The following UBE2D2 variants were observed in gnomAD, a reference collection of about 807,000 sequenced individuals.
UBE2D2 encodes ubiquitin conjugating enzyme E2 D2.
UBE2D2 carries 2 observed loss-of-function variants against 24.2 expected under a neutral mutation model. That is an observed-to-expected ratio of 0.08 (90% CI 0.03 to 0.26). UBE2D2 has a LOEUF of 0.26. UBE2D2 is among the 10% of genes least tolerant of loss of function. UBE2D2 has a pLI of 1.00. For missense variants in UBE2D2, 44 were observed against 177.6 expected (o/e 0.25, Z 4.28); for synonymous variants, 58 against 56.5 (o/e 1.03, Z -0.12).
chr5:139,531,557 C>T (rs1008370188), intron 1 of UBE2D2, among the ~76,000 whole-genome samples: 3 of 150,488 alleles, frequency 2.0e-5, no homozygotes, highest in African/African-American at 4.9e-5. Context: ...GTGGCTTGTC[C>T]TGCTACAAGC....
chr5:139,614,478 CA>C (rs1754384272), intron 2 of UBE2D2, 107 bp from the exon 3 acceptor site: 1 of 1,282,650 alleles, frequency 7.8e-7, no homozygotes, highest in Admixed American at 1.9e-5. Context: ...TACTCATTAT[CA>C]TATTATTTAT....
intron 1 of UBE2D2, among the ~76,000 whole-genome samples, chr5:139,540,947 C>T (rs1331639715): frequency 2.0e-5 from 3 of 149,808 alleles, no homozygotes; most frequent in East Asian, 4.0e-4. Context: ...GAGCCGAGAT[C>T]GTGCCACTGC....
rs1752863909 is a variant in UBE2D2, at chr5:139,548,193, A to AAAATAAAAAT, written c.-64+21588_-64+21589insAATAAATAAA. 1.7e-4 allele frequency among the ~76,000 whole-genome samples: 8 copies of AAAATAAAAAT among 47,114 alleles called. 2 individuals are homozygous for AAAATAAAAAT. In the East Asian group the frequency reaches 4.6e-3, roughly 27 times the overall value. 30.9% of individuals were successfully genotyped at this position (47,114 alleles called of 152,430 possible). On this transcript the variant is annotated intron_variant, in intron 1 of 6. Coordinates refer to the UBE2D2 transcript ENST00000511725. ...AAAAAAAAAAAAAAAATAAAAAAAA[A>AAAATAAAAAT]AAATAAATAAATAAATAAATAAACG...
intron 2 of UBE2D2, among the ~76,000 whole-genome samples, chr5:139,602,469 G>C (rs1356602474): frequency 1.3e-5 from 2 of 152,176 alleles, no homozygotes; most frequent in Non-Finnish European, 2.9e-5. Flanking sequence ...TTGAGCCCAG[G>C]AGTGCGAGAC....
intron 1 of UBE2D2, among the ~76,000 whole-genome samples, chr5:139,590,779 C>CTTT (rs1561513230): frequency 8.9e-5 from 5 of 55,994 alleles, no homozygotes; most frequent in Admixed American, 1.9e-4. Flanking sequence ...ATTTTCTCTT[C>CTTT]TTCTTTTTTT....
chr5:139,622,704 A>G (rs933586103), intron 5 of UBE2D2, among the ~76,000 whole-genome samples: 49 of 149,494 alleles, frequency 3.3e-4, no homozygotes, highest in Admixed American at 2.0e-3. Context: ...CCTGGCTAAC[A>G]CGGTGAAACC....
intron 2 of UBE2D2, among the ~76,000 whole-genome samples, chr5:139,609,278 C>G (rs973738324): frequency 6.6e-6 from 1 of 151,606 alleles, no homozygotes; most frequent in African/African-American, 2.4e-5. Context: ...TGTGGTGACC[C>G]ACACCTATAA....
chr5:139,590,607 T>C (rs1037409681), intron 1 of UBE2D2, among the ~76,000 whole-genome samples: 2 of 151,790 alleles, frequency 1.3e-5, no homozygotes, highest in African/African-American at 4.8e-5. Flanking sequence ...CTGTCTTGTT[T>C]ATGGACTCTT....
chr5:139,585,859 C>T (rs1043842473), intron 1 of UBE2D2, among the ~76,000 whole-genome samples: 1 of 148,734 alleles, frequency 6.7e-6, no homozygotes, highest in African/African-American at 2.5e-5. Flanking sequence ...ATCACTTGAA[C>T]CCGGGAGGTG....
intron 2 of UBE2D2, among the ~76,000 whole-genome samples, chr5:139,600,863 C>T (rs1402227634): frequency 3.3e-5 from 5 of 152,236 alleles, no homozygotes; most frequent in East Asian, 1.9e-4. Flanking sequence ...AGTGCAGTGG[C>T]GTGATCTCAG....
chr5:139,603,578 C>T (rs904965576), intron 2 of UBE2D2, among the ~76,000 whole-genome samples: 8 of 148,170 alleles, frequency 5.4e-5, no homozygotes, highest in South Asian at 2.2e-4. Flanking sequence ...GCCGAGATCC[C>T]GCCACTACAC....
At chr5:139,562,285 G>T (rs1480065249) in intron 1 of UBE2D2, 1 of 1,354,624 alleles carries the variant, frequency 7.4e-7, no homozygotes, top group Non-Finnish European at 9.8e-7. Context: ...GACAGAGGAA[G>T]CCGTTTTGCC....
At chr5:139,561,113 G>A (rs1362166986), upstream of UBE2D2, 1 of 152,710 alleles carries the variant, frequency 6.5e-6, no homozygotes, top group Non-Finnish European at 1.5e-5. Flanking sequence ...AACGGTCGCG[G>A]CGCTGGAGCC....
chr5:139,558,087 CAAGAAAAAAA>C (rs1455608460), upstream of UBE2D2, among the ~76,000 whole-genome samples: 1 of 148,862 alleles, frequency 6.7e-6, no homozygotes, highest in African/African-American at 2.5e-5. Context: ...GACCCCATCT[CAAGAAAAAAA>C]AAGAAAAAAG....
intron 1 of UBE2D2, among the ~76,000 whole-genome samples, chr5:139,583,654 C>T (rs576498519): frequency 1.2e-3 from 176 of 152,102 alleles, no homozygotes; most frequent in African/African-American, 4.0e-3. Flanking sequence ...CTCAGCTACT[C>T]GGGAGGCTGA....
At chr5:139,599,063 G>C (rs1316529365) in intron 1 of UBE2D2, among the ~76,000 whole-genome samples, 3 of 151,242 alleles carry the variant, frequency 2.0e-5, no homozygotes, top group African/African-American at 7.3e-5. Context: ...CGAGTAGCTG[G>C]GACTATAGAC....
intron 2 of UBE2D2, among the ~76,000 whole-genome samples, chr5:139,605,075 G>A (rs1383097475): frequency 6.6e-6 from 1 of 152,000 alleles, no homozygotes; most frequent in Non-Finnish European, 1.5e-5. Context: ...TGACTATCCT[G>A]GTACCCAAAT....
intron 1 of UBE2D2, among the ~76,000 whole-genome samples, chr5:139,582,391 A>G (rs1323858078): frequency 1.3e-5 from 2 of 150,690 alleles, no homozygotes; most frequent in African/African-American, 4.9e-5. Context: ...TTGTATTTTT[A>G]GTAGAGACGG....
rs1005761535 is a variant in UBE2D2, at chr5:139,627,144, T to C, written c.*343T>C. On this transcript the variant is annotated 3_prime_UTR_variant, in exon 7 of 7. Coordinates refer to ENST00000398733, the MANE Select transcript of UBE2D2 (RefSeq NM_003339.3). ...GTGGTGGGTATGGTGTGTGCTTGGATGGGAAAGAAAAGGCTCCACTCACCT... is the reference window on the plus strand; with the variant it reads ...GTGGTGGGTATGGTGTGTGCTTGGACGGGAAAGAAAAGGCTCCACTCACCT... The C allele has an allele frequency of 9.2e-6, 2 of 216,690 alleles. No homozygotes were observed. Among genetic ancestry groups the C allele is most frequent in the Non-Finnish European group, 1.8e-5 (2 of 109,352 alleles). 13.4% of individuals were successfully genotyped at this position (216,690 alleles called of 1,614,324 possible).
Sources: allele counts gnomAD v4.1 joint callset (sites outside exome capture counted in the v4.1 genomes callset), GRCh38; gene constraint gnomAD v4.1.1; transcripts MANE v1.5; gene names NCBI Gene and HGNC (gene_info 2026-07-23, HGNC 2026-07-21).